Variants in DAB1 observed in about 807,000 individuals in gnomAD.
DAB1 encodes the protein disabled homolog 1.
DAB1 carries 15 observed loss-of-function variants against 64.6 expected under a neutral mutation model. The ratio of observed to expected loss-of-function variants is 0.23; its 90% CI spans 0.16 to 0.36. The LOEUF is 0.36. Among genes scored for constraint, DAB1 ranks in the 10% least tolerant of loss-of-function variants. The pLI is 1.00. For missense variants in DAB1, 596 were observed against 706.7 expected, an observed-to-expected ratio of 0.84 and a Z score of 1.78; for synonymous variants, 235 against 251.9, an observed-to-expected ratio of 0.93 and a Z score of 0.64.
intron 8 of DAB1, among the ~76,000 whole-genome samples, 189 bp downstream of exon 8, chr1:57,069,171 A>G (rs1651210583): frequency 6.6e-6 from 1 of 152,222 alleles, no homozygotes; most frequent in Admixed American, 6.5e-5. Context: ...GTACCTAACT[A>G]GCTATTAAAC....
chr1:57,351,981 C>T (rs79869292), intron 1 of DAB1, among the ~76,000 whole-genome samples: 16,123 of 152,146 alleles, frequency 0.11, 971 homozygotes, highest in Admixed American at 0.15. Context: ...GAGAAACAAT[C>T]AAAACTAAAT....
chr1:57,267,603 C>CAGGT (rs376081417), intron 2 of DAB1, among the ~76,000 whole-genome samples: 12 of 152,294 alleles, frequency 7.9e-5, no homozygotes, highest in Middle Eastern at 3.4e-3. Flanking sequence ...CTGAAACATA[C>CAGGT]AGGTGCCCAG....
chr1:58,349,434 TTTATTA>T (rs67406013), intron 3 of DAB1, among the ~76,000 whole-genome samples: 2 of 150,370 alleles, frequency 1.3e-5, no homozygotes, highest in Admixed American at 6.6e-5. Flanking sequence ...CTTGGCTCCT[TTTATTA>T]TTATTATTAT....
intron 5 of DAB1, among the ~76,000 whole-genome samples, chr1:58,037,069 C>T (rs933716281): frequency 2.0e-5 from 3 of 152,116 alleles, no homozygotes; most frequent in Non-Finnish European, 2.9e-5. Context: ...GCTGTCAGTA[C>T]TCCTCCCATC....
At chr1:57,595,566 C>T (rs1399022869) in intron 7 of DAB1, among the ~76,000 whole-genome samples, 1 of 152,066 alleles carries the variant, frequency 6.6e-6, no homozygotes, top group Non-Finnish European at 1.5e-5. Context: ...TGTCCTAAGA[C>T]TCAATTGCAG....
At chr1:57,647,651 T>C (rs972105785) in intron 7 of DAB1, among the ~76,000 whole-genome samples, 1 of 152,198 alleles carries the variant, frequency 6.6e-6, no homozygotes, top group South Asian at 2.1e-4. Flanking sequence ...TGAATACTTT[T>C]AAAACAGAAT....
intron 4 of DAB1, among the ~76,000 whole-genome samples, chr1:58,300,610 AAGAGAGAG>A (rs770388855): frequency 2.8e-4 from 13 of 47,000 alleles, no homozygotes; most frequent in South Asian, 7.8e-4. Flanking sequence ...GAAAGAAAGA[AAGAGAGAG>A]AGAGAGAGAG....
At chr1:57,877,422 C>A (rs1354405373) in intron 1 of DAB1, among the ~76,000 whole-genome samples, 1 of 152,140 alleles carries the variant, frequency 6.6e-6, no homozygotes, top group Non-Finnish European at 1.5e-5. Context: ...CTAGGACATT[C>A]CCACACACAC....
intron 3 of DAB1, among the ~76,000 whole-genome samples, chr1:58,361,154 G>A (rs1026467332): frequency 1.3e-5 from 2 of 152,230 alleles, no homozygotes; most frequent in African/African-American, 4.8e-5. Flanking sequence ...TGAGCTGCAA[G>A]GAGGGAGACC....
At chr1:57,440,425 C>T (rs1162294772) in intron 7 of DAB1, among the ~76,000 whole-genome samples, 2 of 152,150 alleles carry the variant, frequency 1.3e-5, no homozygotes, top group African/African-American at 2.4e-5. Flanking sequence ...GAGCACCTTT[C>T]GAAGAGATGG....
At chr1:58,099,496 C>T (rs1209882035) in intron 5 of DAB1, among the ~76,000 whole-genome samples, 1 of 152,164 alleles carries the variant, frequency 6.6e-6, no homozygotes, top group Non-Finnish European at 1.5e-5. Context: ...ATCAAGGAGT[C>T]AGGAAAGAAT....
chr1:58,255,396 C>T (rs191687998), intron 4 of DAB1, among the ~76,000 whole-genome samples: 18 of 150,026 alleles, frequency 1.2e-4, no homozygotes, highest in Admixed American at 4.0e-4. Flanking sequence ...GATGTCATCA[C>T]GTCTGTGAAC....
At chr1:57,983,526 C>G (rs1194072165) in intron 5 of DAB1, among the ~76,000 whole-genome samples, 1 of 152,152 alleles carries the variant, frequency 6.6e-6, no homozygotes, top group Non-Finnish European at 1.5e-5. Context: ...TGCTAAATAG[C>G]TCTCCTGCAG....
rs372009576 is a variant in DAB1 at position 57,528,637 on chromosome 1, GACACACACACACACACAC to G, written n.625+120937_625+120954del. ...TAATGGAAAATATTAAAAGCAGCAG[GACACACACACACACACAC>G]ACACACACACACACACACACACGGA... On this transcript the variant is annotated intron_variant and non_coding_transcript_variant, in intron 7 of 20. Transcript: ENST00000485760. 2.3e-3 allele frequency among the ~76,000 whole-genome samples: 50 copies of G among 22,130 alleles called. No homozygotes were observed. The Non-Finnish European group carries it at 0.027, about 12-fold the overall frequency. The allele number at this position is 22,130 out of a possible 152,430, so 14.5% of individuals were successfully genotyped here.
At chr1:57,118,805 C>T (rs1426699271) in intron 4 of DAB1, among the ~76,000 whole-genome samples, 1 of 152,114 alleles carries the variant, frequency 6.6e-6, no homozygotes, top group African/African-American at 2.4e-5. Flanking sequence ...TCTCAATACA[C>T]CTGTGATTTT....
rs185252537 is a variant in DAB1, at chr1:58,460,435, A to G, written n.257+45625T>C. On this transcript the variant is annotated intron_variant and non_coding_transcript_variant, in intron 3 of 20. Transcript: ENST00000485760. ...AGAGGTGGGGACCAGAAACACTTCTACGGAGAAACATTTCCAAAATTGCAT... is the reference window on the plus strand; with the variant it reads ...AGAGGTGGGGACCAGAAACACTTCTGCGGAGAAACATTTCCAAAATTGCAT... Among the ~76,000 whole-genome samples the G allele has an allele frequency of 3.9e-5, 6 of 152,324 alleles. No individual in the cohort carries two copies. In the East Asian group the frequency reaches 1.2e-3, roughly 29 times the overall value.
chr1:57,317,687 G>C (rs2100753764), intron 1 of DAB1, among the ~76,000 whole-genome samples: 1 of 152,246 alleles, frequency 6.6e-6, no homozygotes, highest in East Asian at 1.9e-4. Flanking sequence ...GAGCTTATTA[G>C]AAATGAAGTC....
chr1:58,033,670 G>T (rs1412173318), intron 5 of DAB1, among the ~76,000 whole-genome samples: 1 of 152,146 alleles, frequency 6.6e-6, no homozygotes, highest in African/African-American at 2.4e-5. Flanking sequence ...CCAGCATTTA[G>T]AAAGTACTGT....
intron 4 of DAB1, among the ~76,000 whole-genome samples, chr1:58,165,785 T>C (rs1655799097): frequency 6.6e-6 from 1 of 152,196 alleles, no homozygotes; most frequent in South Asian, 2.1e-4. Context: ...TTTTAACCAC[T>C]GTTGTAAAGA....
Sources: gnomAD v4.1 joint callset for allele counts (sites outside exome capture counted in the v4.1 genomes callset) on GRCh38, gnomAD v4.1.1 for gene constraint, MANE v1.5 for transcripts, NCBI Gene and HGNC (gene_info 2026-07-23, HGNC 2026-07-21) for gene names.